Variants in ZBTB7C observed in about 807,000 individuals in gnomAD.
ZBTB7C encodes zinc finger and BTB domain-containing protein 7C.
ZBTB7C carries 8 observed loss-of-function variants against 25.7 expected under a neutral mutation model. That is an observed-to-expected ratio of 0.31 (90% CI 0.18 to 0.56). ZBTB7C has a LOEUF of 0.56. ZBTB7C is among the 20% of genes least tolerant of loss of function. The pLI, the probability that ZBTB7C is intolerant of heterozygous loss-of-function variation, is 0.91. For missense variants in ZBTB7C, 824 were observed against 855.2 expected, an observed-to-expected ratio of 0.96 and a Z score of 0.46; for synonymous variants, 394 against 369.0, an observed-to-expected ratio of 1.07 and a Z score of -0.78.
At chr18:48,408,193 G>C (rs2048326280) in intron 1 of ZBTB7C, among the ~76,000 whole-genome samples, 1 of 152,194 alleles carries the variant, frequency 6.6e-6, no homozygotes, top group South Asian at 2.1e-4. Flanking sequence ...TTGGGTACCA[G>C]CCTCCACAGC....
intron 3 of ZBTB7C, among the ~76,000 whole-genome samples, chr18:48,053,926 G>A (rs926264022): frequency 2.6e-5 from 4 of 152,242 alleles, no homozygotes; most frequent in African/African-American, 9.6e-5. Flanking sequence ...CAGGGATGTG[G>A]GGCAGGGGAA....
At chr18:48,190,725 A>G (rs375955781) in intron 2 of ZBTB7C, among the ~76,000 whole-genome samples, 13 of 152,336 alleles carry the variant, frequency 8.5e-5, no homozygotes, top group Admixed American at 3.3e-4. Flanking sequence ...GGCACCCCAG[A>G]GAGGCAGGCC....
At chr18:48,353,969 T>G (rs2046920555) in intron 1 of ZBTB7C, among the ~76,000 whole-genome samples, 1 of 152,136 alleles carries the variant, frequency 6.6e-6, no homozygotes, top group Non-Finnish European at 1.5e-5. Context: ...CTAAATCACC[T>G]CCTTAGGTTG....
chr18:48,109,859 A>G (rs890837049), intron 3 of ZBTB7C, among the ~76,000 whole-genome samples: 1 of 152,206 alleles, frequency 6.6e-6, no homozygotes, highest in African/African-American at 2.4e-5. Flanking sequence ...TAACAAGTGC[A>G]CCACTGCAGC....
intron 3 of ZBTB7C, among the ~76,000 whole-genome samples, chr18:48,068,215 TGC>T (rs2037406303): frequency 6.8e-6 from 1 of 147,970 alleles, no homozygotes; most frequent in Non-Finnish European, 1.5e-5. Flanking sequence ...CTCGGCTCAC[TGC>T]AGGCTCCGCC....
Position 48,152,138 on chromosome 18 carries a change from T to C in ZBTB7C, c.-17+33796A>G, listed in dbSNP as rs187182088. Among the ~76,000 whole-genome samples the C allele has an allele frequency of 2.0e-5, 3 of 152,248 alleles. No homozygotes were observed. In the East Asian group the frequency reaches 5.8e-4, roughly 29 times the overall value. On this transcript the variant is annotated intron_variant, in intron 3 of 4. Coordinates refer to ENST00000590800, the MANE Select transcript of ZBTB7C (RefSeq NM_001318841.2). ...TGCTACTACTGGGACACAGGGTGTT[T>C]ACATAGGAGAGCTGGGCTCTGGCTT... is the stretch of plus-strand genomic sequence containing the variant.
intron 2 of ZBTB7C, among the ~76,000 whole-genome samples, chr18:48,326,762 T>C (rs1181026201): frequency 1.3e-5 from 2 of 152,236 alleles, no homozygotes; most frequent in Middle Eastern, 3.2e-3. Context: ...TGAATTTCTG[T>C]GTTTTAGCAC....
chr18:48,222,346 G>C (rs967208101), intron 2 of ZBTB7C, among the ~76,000 whole-genome samples: 3 of 152,232 alleles, frequency 2.0e-5, no homozygotes, highest in Non-Finnish European at 2.9e-5. Context: ...TGATCTTGGA[G>C]CTCAGCCAAC....
intron 2 of ZBTB7C, among the ~76,000 whole-genome samples, chr18:48,318,665 G>C (rs1050271967): frequency 1.2e-4 from 18 of 152,168 alleles, no homozygotes; most frequent in African/African-American, 4.3e-4. Flanking sequence ...ACACCCCCTG[G>C]GGCAGGGGCG....
intron 3 of ZBTB7C, among the ~76,000 whole-genome samples, chr18:48,074,570 G>A (rs1428382877): frequency 6.6e-6 from 1 of 152,216 alleles, no homozygotes; most frequent in East Asian, 1.9e-4. Flanking sequence ...GGGCAGCTGT[G>A]TGCTGAGGCT....
At chr18:48,359,060 C>A (rs2047042534) in intron 1 of ZBTB7C, among the ~76,000 whole-genome samples, 2 of 152,106 alleles carry the variant, frequency 1.3e-5, no homozygotes, top group Admixed American at 6.6e-5. Flanking sequence ...GATGCTCTGA[C>A]CTGGAAGTGA....
At chr18:48,409,935 G>T (rs139636764), upstream of ZBTB7C, among the ~76,000 whole-genome samples, 5,444 of 149,556 alleles carry the variant, frequency 0.036, 340 homozygotes, top group African/African-American at 0.13. Flanking sequence ...CCCAGCGCAG[G>T]CTTGGGACCG....
intron 3 of ZBTB7C, among the ~76,000 whole-genome samples, chr18:48,099,245 A>T (rs1201656271): frequency 1.3e-5 from 2 of 152,156 alleles, no homozygotes; most frequent in African/African-American, 4.8e-5. Context: ...AAATAACACC[A>T]CTCTGATAAG....
intron 3 of ZBTB7C, among the ~76,000 whole-genome samples, chr18:48,059,838 A>C (rs2037057594): frequency 6.6e-6 from 1 of 151,998 alleles, no homozygotes; most frequent in Non-Finnish European, 1.5e-5. Flanking sequence ...GTCTCTCCCC[A>C]GCTGCCTCCT....
intron 3 of ZBTB7C, among the ~76,000 whole-genome samples, chr18:48,064,019 T>C (rs1297759069): frequency 6.6e-6 from 1 of 152,108 alleles, no homozygotes; most frequent in Non-Finnish European, 1.5e-5. Flanking sequence ...CAACACAAAG[T>C]TGTATAATTA....
chr18:48,299,265 A>G (rs1157327545), intron 2 of ZBTB7C, among the ~76,000 whole-genome samples: 2 of 152,178 alleles, frequency 1.3e-5, no homozygotes, highest in Non-Finnish European at 2.9e-5. Context: ...ACTTATCCCC[A>G]TAATTACTGG....
intron 2 of ZBTB7C, among the ~76,000 whole-genome samples, chr18:48,213,013 C>T (rs574465985): frequency 3.9e-4 from 59 of 152,318 alleles, no homozygotes; most frequent in African/African-American, 1.4e-3. Context: ...GGCCTTTCCT[C>T]CAGCCGGAGA....
At chr18:48,175,317 T>C (rs2041634758) in intron 3 of ZBTB7C, among the ~76,000 whole-genome samples, 1 of 152,066 alleles carries the variant, frequency 6.6e-6, no homozygotes, top group Non-Finnish European at 1.5e-5. Flanking sequence ...CTGAGAGTAT[T>C]TTTAGATGTA....
intron 3 of ZBTB7C, among the ~76,000 whole-genome samples, chr18:48,045,615 C>T (rs776793823): frequency 1.6e-4 from 25 of 152,308 alleles, no homozygotes; most frequent in Admixed American, 1.6e-3. Context: ...CAACTGATCT[C>T]GCACTTCCGG....
Sources: gnomAD v4.1 joint callset for allele counts (sites outside exome capture counted in the v4.1 genomes callset) on GRCh38, gnomAD v4.1.1 for gene constraint, MANE v1.5 for transcripts, NCBI Gene and HGNC (gene_info 2026-07-23, HGNC 2026-07-21) for gene names.